Variants in MEIS2 observed in about 807,000 individuals in gnomAD.
MEIS2 encodes Meis homeobox 2.
In MEIS2, 9 loss-of-function variants were observed where a neutral mutation model predicts 58.6. The ratio of observed to expected loss-of-function variants is 0.15; its 90% CI spans 0.09 to 0.27. The LOEUF is 0.27. Ranked by LOEUF, MEIS2 falls within the 10% of genes least tolerant of loss-of-function variation. MEIS2 has a pLI of 1.00. For synonymous variants in MEIS2, 221 were observed against 228.4 expected (o/e 0.97, Z 0.29); for missense variants, 427 against 635.0 (o/e 0.67, Z 3.52).
intron 6 of MEIS2, among the ~76,000 whole-genome samples, chr15:37,086,000 G>A (rs145986431): frequency 6.1e-4 from 93 of 152,268 alleles, no homozygotes; most frequent in African/African-American, 2.2e-3. Context: ...TTAGTCCTGC[G>A]ACAACACAGG....
Position 36,891,315 on chromosome 15 carries a change from C to T in MEIS2, c.*858G>A, listed in dbSNP as rs573549076. 1.1e-4 allele frequency: 16 copies of T among 152,366 alleles called. No homozygotes were observed. The highest frequency in any genetic ancestry group is 3.6e-4 in the African/African-American group (15 of 41,450). The allele number at this position is 152,366 out of a possible 1,614,324, so 9.4% of individuals were successfully genotyped here. The stretch of plus-strand genomic sequence containing the variant: ...AACAATTAATAGACCGAACTCTGTA[C>T]GAAGTTTGTTACAGTATTCTCTTGC... On this transcript the variant is annotated 3_prime_UTR_variant, in exon 12 of 12. Transcript: ENST00000561208.
chr15:37,060,950 C>G (rs964614730), intron 7 of MEIS2, among the ~76,000 whole-genome samples: 1 of 152,142 alleles, frequency 6.6e-6, no homozygotes, highest in African/African-American at 2.4e-5. Flanking sequence ...GTATCACACA[C>G]TTGGCAGCCT....
At chr15:36,988,025 A>G (rs890914777) in intron 8 of MEIS2, among the ~76,000 whole-genome samples, 1 of 152,234 alleles carries the variant, frequency 6.6e-6, no homozygotes, top group African/African-American at 2.4e-5. Context: ...AGTTGCAGTT[A>G]TGCAGGATGA....
At chr15:36,986,681 A>G (rs28708469) in intron 8 of MEIS2, among the ~76,000 whole-genome samples, 5,165 of 152,204 alleles carry the variant, frequency 0.034, 281 homozygotes, top group African/African-American at 0.12. Flanking sequence ...CCAACTCCAC[A>G]AGGCTCCTCC....
chr15:37,078,539 AAAT>A (rs1460166883), intron 7 of MEIS2, among the ~76,000 whole-genome samples: 5 of 150,584 alleles, frequency 3.3e-5, no homozygotes, highest in African/African-American at 1.2e-4. Context: ...AAAAAAATCT[AAAT>A]AATGAAAAAT....
At chr15:37,025,753 C>CAA (rs35154978) in intron 8 of MEIS2, among the ~76,000 whole-genome samples, 209 of 96,814 alleles carry the variant, frequency 2.2e-3, no homozygotes, top group South Asian at 8.5e-3. Context: ...ACTTGCTCTG[C>CAA]AAAAAAAAAA....
At chr15:36,993,890 A>C (rs757678928) in intron 8 of MEIS2, among the ~76,000 whole-genome samples, 2 of 152,162 alleles carry the variant, frequency 1.3e-5, no homozygotes. Context: ...TTTTACGAAC[A>C]AAATCTTACA....
chr15:36,921,382 T>C (rs1173979105), intron 9 of MEIS2, among the ~76,000 whole-genome samples: 1 of 152,240 alleles, frequency 6.6e-6, no homozygotes, highest in Non-Finnish European at 1.5e-5. Flanking sequence ...CAGCTTGTGT[T>C]AGAAGTCATT....
chr15:37,024,047 T>A (rs1195225503), intron 8 of MEIS2, among the ~76,000 whole-genome samples: 2 of 151,568 alleles, frequency 1.3e-5, no homozygotes. Context: ...TTAGCTGGGA[T>A]TATAGGCACC....
chr15:37,099,279 C>G, intron 1 of MEIS2, 176 bp downstream of exon 1: 3 of 1,471,928 alleles, frequency 2.0e-6, no homozygotes, highest in Non-Finnish European at 2.7e-6. Flanking sequence ...CTCGCACACA[C>G]GCAGAGGCAC....
At chr15:37,019,833 C>T (rs2141669102) in intron 8 of MEIS2, among the ~76,000 whole-genome samples, 1 of 152,278 alleles carries the variant, frequency 6.6e-6, no homozygotes, top group South Asian at 2.1e-4. Flanking sequence ...CAAGCACTGG[C>T]TTTCAAGTGC....
At chr15:36,956,021 C>CAAAAAAAAAAA (rs757524401) in intron 8 of MEIS2, among the ~76,000 whole-genome samples, 1 of 46,618 alleles carries the variant, frequency 2.1e-5, no homozygotes, top group Non-Finnish European at 3.8e-5. Flanking sequence ...ACTAAAAATA[C>CAAAAAAAAAAA]AAAAAAAAAA....
chr15:36,946,177 T>C (rs914855369), intron 9 of MEIS2, among the ~76,000 whole-genome samples: 1 of 152,028 alleles, frequency 6.6e-6, no homozygotes, highest in East Asian at 1.9e-4. Context: ...TCTATTTCAA[T>C]GATTACTGTT....
At chr15:36,948,091 C>T (rs1244480886) in intron 9 of MEIS2, among the ~76,000 whole-genome samples, 1 of 151,742 alleles carries the variant, frequency 6.6e-6, no homozygotes, top group African/African-American at 2.4e-5. Context: ...AAGACTTGGA[C>T]CCGAGGGCAG....
chr15:36,923,070 A>G (rs62002400), intron 9 of MEIS2, among the ~76,000 whole-genome samples: 9,294 of 152,282 alleles, frequency 0.061, 499 homozygotes, highest in East Asian at 0.25. Flanking sequence ...TGAGTTGTCA[A>G]TCTCCTTAGC....
intron 7 of MEIS2, among the ~76,000 whole-genome samples, chr15:37,067,637 G>A (rs893295970): frequency 1.3e-5 from 2 of 151,526 alleles, no homozygotes; most frequent in Non-Finnish European, 2.9e-5. Flanking sequence ...ATTTGACTGA[G>A]TACCAAACCA....
In MEIS2 at chr15:37,080,813, T is replaced by C. The variant is rs560948377; in HGVS notation, c.754+2958A>G. Among the ~76,000 whole-genome samples, 6 of 152,332 alleles carry C rather than the reference T, an allele frequency of 3.9e-5. No homozygotes were observed. In the South Asian group the frequency reaches 1.2e-3, roughly 32 times the overall value. On this transcript the variant is annotated intron_variant, in intron 7 of 11. Coordinates refer to ENST00000561208, the MANE Select transcript of MEIS2 (RefSeq NM_170675.5). ...TCTGGTTCATATTTATATAGCTTAC[T>C]GTTAGACATGTGCTCTTTGAAAGAT...
rs1195926689 is a variant in MEIS2 at position 36,891,460 on chromosome 15, C to T, written c.*713G>A. The T allele has an allele frequency of 6.6e-6, 1 of 152,598 alleles. No individual in the cohort carries two copies. Among genetic ancestry groups the T allele is most frequent in the Admixed American group, 6.5e-5 (1 of 15,278 alleles). 9.5% of individuals were successfully genotyped at this position (152,598 alleles called of 1,614,324 possible). A position where few individuals can be genotyped will look rare whatever the true frequency, so the allele number is the denominator to read the frequency against. On this transcript the variant is annotated 3_prime_UTR_variant, in exon 12 of 12. Coordinates refer to ENST00000561208, the MANE Select transcript of MEIS2 (RefSeq NM_170675.5). ...CAACTTAAGATTGTTTTGTCCACAA[C>T]CAAGGCTCAGAACTCCTGGAAGAAG... is the stretch of plus-strand genomic sequence containing the variant.
At chr15:36,992,033 C>G (rs1431908136) in intron 8 of MEIS2, among the ~76,000 whole-genome samples, 1 of 143,286 alleles carries the variant, frequency 7.0e-6, no homozygotes, top group Non-Finnish European at 1.5e-5. Flanking sequence ...GTGATCCGCC[C>G]GCCTCGGCCT....
Sources: allele counts gnomAD v4.1 joint callset (sites outside exome capture counted in the v4.1 genomes callset), GRCh38; gene constraint gnomAD v4.1.1; transcripts MANE v1.5; gene names NCBI Gene and HGNC (gene_info 2026-07-23, HGNC 2026-07-21).